CADM2: variants seen among roughly 807,000 people sequenced by gnomAD.
The protein encoded by CADM2 is cell adhesion molecule 2.
CADM2 carries 12 observed loss-of-function variants against 49.8 expected under a neutral mutation model. That is an observed-to-expected ratio of 0.24 (90% confidence interval 0.15 to 0.39). The LOEUF (loss-of-function observed/expected upper bound fraction) is 0.39, where lower values mean the gene tolerates loss of function less well. Among genes scored for constraint, CADM2 ranks in the 10% least tolerant of loss-of-function variants. The pLI, the probability that CADM2 is intolerant of heterozygous loss-of-function variation, is 1.00. For synonymous variants in CADM2, 214 were observed against 175.4 expected (o/e 1.22, Z -1.74); for missense variants, 378 against 492.3 (o/e 0.77, Z 2.20).
chr3:85,833,500 AT>A (rs1336104445), intron 3 of CADM2, among the ~76,000 whole-genome samples: 1 of 151,642 alleles, frequency 6.6e-6, no homozygotes, highest in Non-Finnish European at 1.5e-5. Context: ...TACTGATGCA[AT>A]TTCAGAACCT....
chr3:85,077,800 A>G (rs2037005269), intron 1 of CADM2, among the ~76,000 whole-genome samples: 1 of 152,088 alleles, frequency 6.6e-6, no homozygotes. Context: ...TGTTAATAAA[A>G]ACAGATTATT....
chr3:85,080,916 T>A (rs2037138394), intron 1 of CADM2, among the ~76,000 whole-genome samples: 1 of 152,078 alleles, frequency 6.6e-6, no homozygotes, highest in Non-Finnish European at 1.5e-5. Flanking sequence ...TAGAATACAA[T>A]CCAGGACTGT....
chr3:85,296,343 CA>C (rs1161779900), intron 1 of CADM2, among the ~76,000 whole-genome samples: 1 of 151,730 alleles, frequency 6.6e-6, no homozygotes, highest in African/African-American at 2.4e-5. Flanking sequence ...ATTGATAACT[CA>C]AATTTAATAT....
At chr3:85,517,904 C>T (rs1471227109) in intron 1 of CADM2, among the ~76,000 whole-genome samples, 3 of 152,064 alleles carry the variant, frequency 2.0e-5, no homozygotes, top group Non-Finnish European at 4.4e-5. Context: ...AAGTGTATGG[C>T]GAATATAGTG....
At chr3:85,793,359 A>G (rs1432160414) in intron 2 of CADM2, among the ~76,000 whole-genome samples, 1 of 152,146 alleles carries the variant, frequency 6.6e-6, no homozygotes, top group Non-Finnish European at 1.5e-5. Context: ...GCAATTCAAG[A>G]TCACTGTTCA....
chr3:85,290,065 C>T (rs942297502), intron 1 of CADM2, among the ~76,000 whole-genome samples: 7 of 151,976 alleles, frequency 4.6e-5, no homozygotes, highest in East Asian at 1.9e-4. Context: ...AGACAGTGGG[C>T]GCAGGTCAGT....
intron 1 of CADM2, among the ~76,000 whole-genome samples, chr3:85,257,553 A>G (rs1412885686): frequency 6.6e-6 from 1 of 152,098 alleles, no homozygotes; most frequent in Non-Finnish European, 1.5e-5. Context: ...TTTTGAAGGT[A>G]ATGAGAAGTA....
intron 1 of CADM2, among the ~76,000 whole-genome samples, chr3:85,353,659 A>G (rs759096587): frequency 1.4e-4 from 22 of 151,882 alleles, no homozygotes; most frequent in Non-Finnish European, 2.9e-4. Context: ...ATGTGGTTAC[A>G]TAATATTGCT....
At chr3:85,850,339 T>G (rs969821822) in intron 3 of CADM2, among the ~76,000 whole-genome samples, 117 of 144,106 alleles carry the variant, frequency 8.1e-4, no homozygotes, top group African/African-American at 2.9e-3. Flanking sequence ...TTTTTTTTTT[T>G]TTTGAGACAG....
At chr3:85,844,112 TTAA>T (rs1490356120) in intron 3 of CADM2, among the ~76,000 whole-genome samples, 1 of 152,044 alleles carries the variant, frequency 6.6e-6, no homozygotes, top group East Asian at 1.9e-4. Flanking sequence ...GATAATAATT[TTAA>T]TAATATCTTC....
intron 1 of CADM2, among the ~76,000 whole-genome samples, chr3:85,166,004 C>T (rs2040462066): frequency 6.6e-6 from 1 of 150,900 alleles, no homozygotes; most frequent in South Asian, 2.1e-4. Flanking sequence ...ATTTTTTTTC[C>T]CAACAGTTTT....
intron 1 of CADM2, among the ~76,000 whole-genome samples, chr3:85,396,264 C>A (rs1396158153): frequency 6.6e-6 from 1 of 151,202 alleles, no homozygotes; most frequent in East Asian, 2.0e-4. Context: ...TAGTTTTTTT[C>A]TTGGCCAATT....
At chr3:85,544,703 A>G (rs538952195) in intron 1 of CADM2, among the ~76,000 whole-genome samples, 1 of 152,342 alleles carries the variant, frequency 6.6e-6, no homozygotes, top group South Asian at 2.1e-4. Context: ...ATTTGACATG[A>G]TAACTTTATT....
At chr3:85,062,049 GTCTCTC>G (rs953165411) in intron 1 of CADM2, among the ~76,000 whole-genome samples, 6 of 150,858 alleles carry the variant, frequency 4.0e-5, no homozygotes, top group South Asian at 4.2e-4. Context: ...CTCTCTCTCT[GTCTCTC>G]TCTCTGTCTC....
At chr3:85,816,248 T>A (rs1022811320) in intron 3 of CADM2, among the ~76,000 whole-genome samples, 1 of 151,408 alleles carries the variant, frequency 6.6e-6, no homozygotes, top group African/African-American at 2.4e-5. Context: ...TTGAGGCAGG[T>A]GTAAACTTAG....
intron 1 of CADM2, among the ~76,000 whole-genome samples, chr3:84,983,318 A>T (rs2032326868): frequency 6.6e-6 from 1 of 150,904 alleles, no homozygotes; most frequent in African/African-American, 2.4e-5. Context: ...ATCCCAATAA[A>T]ATCAGTTTGT....
At chr3:85,389,720 T>G (rs1179950143) in intron 1 of CADM2, among the ~76,000 whole-genome samples, 1 of 152,124 alleles carries the variant, frequency 6.6e-6, no homozygotes, top group East Asian at 1.9e-4. Context: ...ATGATTTTTT[T>G]GTATTATAAA....
intron 2 of CADM2, among the ~76,000 whole-genome samples, chr3:85,746,938 T>C (rs2068644525): frequency 6.6e-6 from 1 of 152,138 alleles, no homozygotes. Context: ...AGGAAAGAGT[T>C]CGTTTTCCTC....
intron 3 of CADM2, among the ~76,000 whole-genome samples, chr3:85,806,242 A>G (rs1306036985): frequency 6.6e-6 from 1 of 151,882 alleles, no homozygotes; most frequent in African/African-American, 2.4e-5. Flanking sequence ...CTGTATTGAT[A>G]AATGTTACTG....
Sources: allele counts gnomAD v4.1 joint callset (sites outside exome capture counted in the v4.1 genomes callset), GRCh38; gene constraint gnomAD v4.1.1; transcripts MANE v1.5; gene names NCBI Gene and HGNC (gene_info 2026-07-23, HGNC 2026-07-21).